THTPA: variants seen among roughly 807,000 people sequenced by gnomAD.
The protein encoded by THTPA is thiamine-triphosphatase.
Under a neutral mutation model 16.5 loss-of-function variants are expected in THTPA, and 16 were observed. The ratio of observed to expected loss-of-function variants is 0.97; its 90% CI spans 0.66 to 1.47. The LOEUF (loss-of-function observed/expected upper bound fraction) is 1.47. Among genes scored for constraint, THTPA ranks in the 40% most tolerant of loss-of-function variants. The pLI, the probability that THTPA is intolerant of heterozygous loss-of-function variation, is 0.00. For missense variants in THTPA, 281 were observed against 280.9 expected, an observed-to-expected ratio of 1.00 and a Z score of 0.00; for synonymous variants, 110 against 115.5, an observed-to-expected ratio of 0.95 and a Z score of 0.30.
the THTPA span, chr14:23,542,961 C>T: frequency 1.2e-4 from 19 of 152,126 alleles, no homozygotes; most frequent in African/African-American, 4.6e-4. Context: ...GTCTCTATCT[C>T]CTGACTACCT....
chr14:23,538,938 G>C, the THTPA span, among the ~76,000 whole-genome samples: 1 of 152,182 alleles, frequency 6.6e-6, no homozygotes, highest in Non-Finnish European at 1.5e-5. Context: ...GATCACATTA[G>C]AGGCGACAGA....
chr14:23,536,488 A>G, the THTPA span, among the ~76,000 whole-genome samples: 1 of 152,216 alleles, frequency 6.6e-6, no homozygotes, highest in Non-Finnish European at 1.5e-5. Flanking sequence ...CAGTTGAAAG[A>G]TAACAGCTAG....
chr14:23,526,077 C>G, the THTPA span: 2 of 1,536,528 alleles, frequency 1.3e-6, no homozygotes, highest in Non-Finnish European at 1.7e-6. Context: ...TGGCTGCGTT[C>G]TGGCCCTTCA....
the THTPA span, chr14:23,530,292 G>A: frequency 2.2e-6 from 2 of 920,032 alleles, no homozygotes; most frequent in Non-Finnish European, 3.4e-6. Context: ...AGTCAATGAA[G>A]GAGAAAATGG....
upstream of THTPA, among the ~76,000 whole-genome samples, chr14:23,552,832 CCT>C: frequency 6.6e-6 from 1 of 152,146 alleles, no homozygotes; most frequent in Middle Eastern, 3.4e-3. Context: ...GAACTCCTGA[CCT>C]CAGGTGATCC....
the THTPA span, among the ~76,000 whole-genome samples, chr14:23,515,608 A>G: frequency 6.6e-5 from 10 of 152,276 alleles, no homozygotes; most frequent in Admixed American, 1.3e-4. Context: ...ATCTGAAAGA[A>G]TTTCTAGTAG....
At chr14:23,522,514 A>G in the THTPA span, 1 of 1,531,420 alleles carries the variant, frequency 6.5e-7, no homozygotes, top group Non-Finnish European at 8.7e-7. Flanking sequence ...TGAGGGTCTG[A>G]GGTATCATGG....
Position 23,557,284 on chromosome 14 carries a change from A to G in THTPA, c.527A>G (p.His176Arg), listed in dbSNP as rs34015250. The change falls in exon 1 of 2, where the codon CAC becomes CGC. Residue 176 changes from histidine to arginine, a missense_variant. Transcript: ENST00000288014. ...AEVPTALEKI[H>R]RLSSMLGVPA... ...GTACCAACTGCCCTAGAGAAGATCCACAGGCTCAGCAGCATGCTTGGTGAG... is the reference window on the plus strand; with the variant it reads ...GTACCAACTGCCCTAGAGAAGATCCGCAGGCTCAGCAGCATGCTTGGTGAG... The G allele has an allele frequency of 0.098, 156,537 of 1,603,370 alleles. 9,176 individuals carry two copies. Among genetic ancestry groups the G allele is most frequent in the East Asian group, 0.25 (11,389 of 44,724 alleles).
the THTPA span, among the ~76,000 whole-genome samples, chr14:23,518,539 T>C: frequency 1.0e-2 from 1,517 of 152,290 alleles, 30 homozygotes; most frequent in African/African-American, 0.034. The surrounding 1 kb of genome is among the most constrained non-coding windows in gnomAD (Gnocchi z 4.5). Context: ...TAGTTGAGGA[T>C]TGGACACCTT....
the THTPA span, chr14:23,523,167 C>T: frequency 7.1e-7 from 1 of 1,411,440 alleles, no homozygotes; most frequent in Non-Finnish European, 9.2e-7. The surrounding 1 kb of genome is among the most constrained non-coding windows in gnomAD (Gnocchi z 4.1). Flanking sequence ...GGGGGATGTT[C>T]TCTGAAGTCC....
the THTPA span, among the ~76,000 whole-genome samples, chr14:23,541,366 G>A: frequency 1.3e-5 from 2 of 149,246 alleles, no homozygotes; most frequent in Non-Finnish European, 3.0e-5. Flanking sequence ...TTGGCTCACT[G>A]CAAACTCCAC....
the THTPA span, among the ~76,000 whole-genome samples, chr14:23,515,181 G>C: frequency 6.6e-6 from 1 of 152,232 alleles, no homozygotes; most frequent in East Asian, 1.9e-4. Flanking sequence ...GATTGGAAGG[G>C]AAGTAGGAAG....
chr14:23,530,068 C>T, the THTPA span: 59 of 1,462,448 alleles, frequency 4.0e-5, no homozygotes, highest in South Asian at 9.7e-5. Flanking sequence ...TGCAAGGTCC[C>T]GTGAGCGTCT....
the THTPA span, chr14:23,538,206 T>C: frequency 6.6e-6 from 1 of 152,162 alleles, no homozygotes; most frequent in African/African-American, 2.4e-5. Flanking sequence ...CGAGGGTAGG[T>C]TGGCAGCTAT....
the THTPA span, chr14:23,523,784 G>A: frequency 6.5e-7 from 1 of 1,536,210 alleles, no homozygotes; most frequent in Non-Finnish European, 8.7e-7. This position sits in a 1 kb window ranked among gnomAD's most constrained non-coding sequence, Gnocchi z 4.1. Flanking sequence ...CCCACCTCCA[G>A]GTCCCCCACT....
At chr14:23,553,749 C>T (rs1882141710), upstream of THTPA, among the ~76,000 whole-genome samples, 1 of 151,992 alleles carries the variant, frequency 6.6e-6, no homozygotes, top group African/African-American at 2.4e-5. Context: ...AAAAAATTAG[C>T]CGGGCATGGT....
upstream of THTPA, among the ~76,000 whole-genome samples, chr14:23,553,244 G>A (rs2138960519): frequency 6.6e-6 from 1 of 152,316 alleles, no homozygotes; most frequent in South Asian, 2.1e-4. Flanking sequence ...TTTATACTAT[G>A]TGACAGTTTA....
the THTPA span, chr14:23,530,752 C>T: frequency 2.9e-5 from 8 of 274,468 alleles, no homozygotes; most frequent in South Asian, 1.0e-4. Context: ...TGGGCCCCTC[C>T]GGCACTTAAC....
the THTPA span, chr14:23,530,539 G>A: frequency 2.0e-6 from 1 of 496,794 alleles, no homozygotes; most frequent in Admixed American, 2.7e-5. Flanking sequence ...TGTAGTAGGA[G>A]GGGCACTGAA....
Sources: allele counts gnomAD v4.1 joint callset (sites outside exome capture counted in the v4.1 genomes callset), GRCh38; gene constraint gnomAD v4.1.1; non-coding constraint Gnocchi (gnomAD v3.1); transcripts MANE v1.5; gene names NCBI Gene and HGNC (gene_info 2026-07-23, HGNC 2026-07-21).